Variants in REEP3 observed in about 807,000 individuals in gnomAD.
The protein encoded by REEP3 is receptor accessory protein 3.
A neutral mutation model predicts 41.3 loss-of-function variants in REEP3; 20 were observed. The observed-to-expected ratio is 0.48, with a 90% CI of 0.34 to 0.70. The LOEUF (loss-of-function observed/expected upper bound fraction) is 0.70, where lower values mean the gene tolerates loss of function less well. Ranked by LOEUF, REEP3 falls within the 30% of genes least tolerant of loss-of-function variation. The pLI, the probability that REEP3 is intolerant of heterozygous loss-of-function variation, is 0.01. For synonymous variants in REEP3, 104 were observed against 101.8 expected (o/e 1.02, Z -0.13); for missense variants, 271 against 308.8 (o/e 0.88, Z 0.92).
At chr10:63,558,219 A>G (rs1211408557) in intron 1 of REEP3, among the ~76,000 whole-genome samples, 4 of 152,254 alleles carry the variant, frequency 2.6e-5, no homozygotes, top group African/African-American at 9.6e-5. Flanking sequence ...GATTTACAAC[A>G]ATGTTGGCAA....
chr10:63,567,382 T>G (rs563161455), intron 2 of REEP3, among the ~76,000 whole-genome samples: 1 of 152,336 alleles, frequency 6.6e-6, no homozygotes, highest in Non-Finnish European at 1.5e-5. Flanking sequence ...CTGCTGTCTG[T>G]ATGTATTTAC....
chr10:63,572,100 C>T (rs1955858019), intron 2 of REEP3, among the ~76,000 whole-genome samples: 1 of 152,090 alleles, frequency 6.6e-6, no homozygotes, highest in Non-Finnish European at 1.5e-5. Context: ...ATTGAAATCA[C>T]ATGTGAACAA....
chr10:63,610,134 AT>A, intron 5 of REEP3, 52 bp from the exon 6 acceptor site: 8 of 1,453,914 alleles, frequency 5.5e-6, no homozygotes, highest in Non-Finnish European at 7.5e-6. Flanking sequence ...GGATAGTTAA[AT>A]GTAAGCATAC....
intron 5 of REEP3, among the ~76,000 whole-genome samples, chr10:63,602,468 A>G (rs1956181617): frequency 6.6e-6 from 1 of 152,218 alleles, no homozygotes; most frequent in South Asian, 2.1e-4. Context: ...AATTTTTCAT[A>G]TTTAAAAGCA....
At chr10:63,612,090 A>T (rs1956281240) in intron 6 of REEP3, among the ~76,000 whole-genome samples, 1 of 152,218 alleles carries the variant, frequency 6.6e-6, no homozygotes. Flanking sequence ...AGGAACCATC[A>T]GTCTTAATAG....
chr10:63,593,047 C>T (rs2133402926), intron 2 of REEP3, among the ~76,000 whole-genome samples: 1 of 152,300 alleles, frequency 6.6e-6, no homozygotes, highest in African/African-American at 2.4e-5. Context: ...GGCGCGGTGG[C>T]TCACGCCTGT....
intron 2 of REEP3, among the ~76,000 whole-genome samples, chr10:63,574,183 G>A (rs1047669093): frequency 2.0e-5 from 3 of 152,110 alleles, no homozygotes; most frequent in Non-Finnish European, 4.4e-5. Context: ...TTTTTCAGAT[G>A]GACGTCATGA....
At position 63,521,442 on chromosome 10, in the gene REEP3, G is replaced by T. The variant is rs1257017200; in HGVS notation, c.-104G>T. The T allele has an allele frequency of 3.3e-6, 2 of 604,468 alleles. No individual in the cohort carries two copies. The highest frequency in any genetic ancestry group is 5.5e-5 in the East Asian group (1 of 18,122). The allele number at this position is 604,468 out of a possible 1,614,324, so 37.4% of individuals were successfully genotyped here. A position where few individuals can be genotyped will look rare whatever the true frequency, so the allele number is the denominator to read the frequency against. The stretch of plus-strand genomic sequence containing the variant: ...TCCTGAGGGCGCCAGCGCGGCCCCG[G>T]GGAGCGCGAGGAGCCGGCGAAGCGC... On this transcript the variant is annotated 5_prime_UTR_variant, in exon 1 of 8. Coordinates refer to ENST00000373758, the MANE Select transcript of REEP3 (RefSeq NM_001001330.3).
intron 2 of REEP3, among the ~76,000 whole-genome samples, chr10:63,583,617 A>G (rs1166030229): frequency 1.3e-5 from 2 of 152,198 alleles, no homozygotes; most frequent in African/African-American, 4.8e-5. Flanking sequence ...AAGTGGGACC[A>G]AGACCAAGAG....
intron 1 of REEP3, among the ~76,000 whole-genome samples, chr10:63,546,114 T>C (rs1955576523): frequency 6.6e-6 from 1 of 152,152 alleles, no homozygotes; most frequent in Admixed American, 6.5e-5. Flanking sequence ...GTGTAGGCCA[T>C]TGTTAAAGAC....
At chr10:63,605,722 C>A (rs1157700731) in intron 5 of REEP3, among the ~76,000 whole-genome samples, 1 of 152,100 alleles carries the variant, frequency 6.6e-6, no homozygotes, top group Non-Finnish European at 1.5e-5. Flanking sequence ...ACATGCAGGG[C>A]CCCTTTTTAT....
intron 1 of REEP3, among the ~76,000 whole-genome samples, chr10:63,560,351 G>T (rs1955729132): frequency 6.6e-6 from 1 of 152,026 alleles, no homozygotes; most frequent in South Asian, 2.1e-4. Context: ...ACTTTTTAAT[G>T]GTTTCTTAAA....
At chr10:63,563,522 A>G (rs1347154770) in intron 1 of REEP3, among the ~76,000 whole-genome samples, 2 of 152,188 alleles carry the variant, frequency 1.3e-5, no homozygotes, top group Admixed American at 6.5e-5. Flanking sequence ...ACCAAAGCCT[A>G]TATATACTAT....
chr10:63,600,433 A>G (rs1956161904), intron 5 of REEP3, among the ~76,000 whole-genome samples: 1 of 152,232 alleles, frequency 6.6e-6, no homozygotes, highest in Non-Finnish European at 1.5e-5. Context: ...CAGCACTTTA[A>G]TATAGCATAG....
At chr10:63,556,637 T>G (rs1589865638) in intron 1 of REEP3, among the ~76,000 whole-genome samples, 11 of 15,802 alleles carry the variant, frequency 7.0e-4, no homozygotes, top group Non-Finnish European at 1.6e-3. Context: ...TTGTTTTGTT[T>G]TTTTTTTTTT....
intron 1 of REEP3, among the ~76,000 whole-genome samples, chr10:63,555,785 G>T (rs1955673292): frequency 6.6e-6 from 1 of 152,070 alleles, no homozygotes; most frequent in Non-Finnish European, 1.5e-5. Context: ...TCACACATTG[G>T]TTTGTTGAAG....
intron 3 of REEP3, among the ~76,000 whole-genome samples, chr10:63,597,501 A>G (rs914637311): frequency 6.6e-6 from 1 of 152,218 alleles, no homozygotes; most frequent in Middle Eastern, 3.2e-3. Context: ...ACAAAGGAAG[A>G]TTCTTGTATT....
chr10:63,575,518 T>G (rs891742038), intron 2 of REEP3, among the ~76,000 whole-genome samples: 2 of 152,180 alleles, frequency 1.3e-5, no homozygotes, highest in African/African-American at 4.8e-5. Flanking sequence ...TGGAATTCTT[T>G]TTATTCATTT....
intron 5 of REEP3, among the ~76,000 whole-genome samples, chr10:63,600,536 CTA>C (rs979980991): frequency 3.9e-5 from 6 of 152,082 alleles, no homozygotes; most frequent in Non-Finnish European, 7.4e-5. Flanking sequence ...GCTTAAAGGA[CTA>C]TGTTTTATTT....
Sources: allele counts gnomAD v4.1 joint callset (sites outside exome capture counted in the v4.1 genomes callset), GRCh38; gene constraint gnomAD v4.1.1; transcripts MANE v1.5; gene names NCBI Gene and HGNC (gene_info 2026-07-23, HGNC 2026-07-21).